The following CTNNA2 variants were observed in gnomAD, a reference collection of about 807,000 sequenced individuals.
The protein encoded by CTNNA2 is catenin alpha 2.
A neutral mutation model predicts 101.0 loss-of-function variants in CTNNA2; 42 were observed. The ratio of observed to expected loss-of-function variants is 0.42; its 90% CI spans 0.32 to 0.54. CTNNA2 has a LOEUF of 0.54. Among genes scored for constraint, CTNNA2 ranks in the 20% least tolerant of loss-of-function variants. CTNNA2 has a pLI of 0.14. For missense variants in CTNNA2, 871 were observed against 1,223.1 expected (o/e 0.71, Z 4.29); for synonymous variants, 450 against 456.4 (o/e 0.99, Z 0.18).
At chr2:80,546,766 T>C (rs1038209931) in intron 11 of CTNNA2, among the ~76,000 whole-genome samples, 4 of 152,202 alleles carry the variant, frequency 2.6e-5, no homozygotes, top group Admixed American at 2.0e-4. Flanking sequence ...AGCCAGCAAA[T>C]GGACATTTTT....
At chr2:79,534,995 G>A (rs1022483712) in intron 1 of CTNNA2, among the ~76,000 whole-genome samples, 7 of 151,482 alleles carry the variant, frequency 4.6e-5, no homozygotes, top group Non-Finnish European at 8.8e-5. Flanking sequence ...AGCATAAAAA[G>A]GAAGAAATTT....
In CTNNA2 at chr2:79,456,303, A is replaced by G. The variant is rs186578894; in HGVS notation, c.-134-48751A>G. ...GACTCCTACAATGCTAAAAATGTTG[A>G]GATTCTACATCTAGTCCTTTGATTT... On this transcript the variant is annotated intron_variant, in intron 4 of 21. Coordinates refer to the CTNNA2 transcript ENST00000466387. Among the ~76,000 whole-genome samples the G allele has an allele frequency of 2.6e-5, 4 of 152,020 alleles. No individual in the cohort carries two copies. In the East Asian group the frequency reaches 7.7e-4, roughly 29 times the overall value.
chr2:79,804,370 C>G (rs1676399255), intron 3 of CTNNA2, among the ~76,000 whole-genome samples: 2 of 152,146 alleles, frequency 1.3e-5, no homozygotes, highest in Non-Finnish European at 2.9e-5. Context: ...CAAAATCACA[C>G]AGTCACACTT....
rs547089433 is a variant in CTNNA2, at chr2:79,810,555, T to C, written c.299-47458T>C. On this transcript the variant is annotated intron_variant, in intron 3 of 18. Coordinates refer to ENST00000402739, the MANE Select transcript of CTNNA2 (RefSeq NM_001282597.3). ...TTTTTTTTTTGTTATACTTTAAGTT[T>C]TAGGGTACATGTGCACAATGTACAG... 1.1e-4 allele frequency among the ~76,000 whole-genome samples: 16 copies of C among 151,812 alleles called. No homozygotes were observed. The East Asian group carries it at 3.1e-3, about 29-fold the overall frequency.
At chr2:80,116,051 A>G (rs1307134848) in intron 7 of CTNNA2, among the ~76,000 whole-genome samples, 1 of 132,010 alleles carries the variant, frequency 7.6e-6, no homozygotes, top group Non-Finnish European at 1.6e-5. Flanking sequence ...CAAGTTTAAT[A>G]AACTTTTTTT....
At chr2:79,682,901 T>TC (rs1683680936) in intron 2 of CTNNA2, among the ~76,000 whole-genome samples, 1 of 152,222 alleles carries the variant, frequency 6.6e-6, no homozygotes, top group South Asian at 2.1e-4. Flanking sequence ...ATATTACTTT[T>TC]CCTACTTGCA....
chr2:80,542,885 C>A (rs529126447), intron 9 of CTNNA2, among the ~76,000 whole-genome samples: 81 of 152,050 alleles, frequency 5.3e-4, no homozygotes, highest in South Asian at 3.1e-3. Flanking sequence ...TTTTCCCCCC[C>A]CCACATGCCA....
intron 7 of CTNNA2, among the ~76,000 whole-genome samples, chr2:80,109,012 C>A (rs945210238): frequency 6.6e-6 from 1 of 152,302 alleles, no homozygotes; most frequent in African/African-American, 2.4e-5. Context: ...TCACATACTT[C>A]CCTTTGAAAA....
At chr2:79,280,405 A>G (rs1480294385) in intron 2 of CTNNA2, among the ~76,000 whole-genome samples, 1 of 152,080 alleles carries the variant, frequency 6.6e-6, no homozygotes, top group Non-Finnish European at 1.5e-5. Context: ...ACAGCTGGAC[A>G]TTTCTGCAAG....
At position 80,306,375 on chromosome 2, in the gene CTNNA2, C is replaced by CTTTT. The variant is rs1247931047; in HGVS notation, c.1057-86833_1057-86832insTTTT. Among the ~76,000 whole-genome samples, 225 of 139,560 alleles carry CTTTT rather than the reference C, an allele frequency of 1.6e-3. 2 individuals are homozygous for CTTTT. Among genetic ancestry groups the CTTTT allele is most frequent in the Admixed American group, 0.011 (153 of 14,128 alleles). 91.6% of individuals were successfully genotyped at this position (139,560 alleles called of 152,430 possible). The stretch of plus-strand genomic sequence containing the variant: ...GGCACAGATGGTTTTTTCTTTCTTT[C>CTTTT]TTTCTTTTCTTTTCTTTTCTTTTCT... On this transcript the variant is annotated intron_variant, in intron 7 of 18. Coordinates refer to ENST00000402739, the MANE Select transcript of CTNNA2 (RefSeq NM_001282597.3).
At chr2:80,463,725 T>G (rs1684637607) in intron 9 of CTNNA2, among the ~76,000 whole-genome samples, 1 of 152,196 alleles carries the variant, frequency 6.6e-6, no homozygotes, top group African/African-American at 2.4e-5. Context: ...TTCATATTGC[T>G]ATTTTACAGT....
At chr2:79,232,381 A>T (rs1187711287) in intron 2 of CTNNA2, among the ~76,000 whole-genome samples, 1 of 152,042 alleles carries the variant, frequency 6.6e-6, no homozygotes, top group Non-Finnish European at 1.5e-5. Flanking sequence ...CATGTGTTGA[A>T]CCAACCTTGT....
intron 16 of CTNNA2, chr2:80,605,234 T>G (rs1014555724): frequency 6.6e-6 from 1 of 152,012 alleles, no homozygotes; most frequent in East Asian, 1.9e-4. Flanking sequence ...TCTAAATGTT[T>G]TGTTGCAATT....
chr2:79,375,051 A>G (rs1008094568), intron 4 of CTNNA2, among the ~76,000 whole-genome samples: 5 of 152,148 alleles, frequency 3.3e-5, no homozygotes, highest in South Asian at 4.1e-4. Context: ...AACATCCTAT[A>G]TGCATATTCC....
intron 7 of CTNNA2, among the ~76,000 whole-genome samples, chr2:79,999,703 A>T (rs1692802963): frequency 6.6e-6 from 1 of 152,208 alleles, no homozygotes; most frequent in South Asian, 2.1e-4. Flanking sequence ...TCATTTAGTC[A>T]TTCAACAAAT....
At chr2:79,457,064 C>G (rs549242409) in intron 4 of CTNNA2, among the ~76,000 whole-genome samples, 1 of 151,768 alleles carries the variant, frequency 6.6e-6, no homozygotes, top group South Asian at 2.1e-4. Context: ...TAGCCGGGCG[C>G]GGTGGCGGGC....
chr2:79,896,618 A>G (rs1003063414), intron 6 of CTNNA2, among the ~76,000 whole-genome samples: 61 of 152,228 alleles, frequency 4.0e-4, no homozygotes, highest in African/African-American at 1.4e-3. Context: ...CTATAAGGAA[A>G]GCATCCTAAC....
At chr2:80,061,720 T>A (rs1405358853) in intron 7 of CTNNA2, among the ~76,000 whole-genome samples, 2 of 152,204 alleles carry the variant, frequency 1.3e-5, no homozygotes, top group Admixed American at 1.3e-4. Context: ...AATATTTAAA[T>A]TTGTCGCTTA....
chr2:79,203,489 A>G (rs1200243179), intron 2 of CTNNA2, among the ~76,000 whole-genome samples: 1 of 152,202 alleles, frequency 6.6e-6, no homozygotes, highest in Non-Finnish European at 1.5e-5. Flanking sequence ...GCCAATGGAA[A>G]TGCTGCTGGA....
Sources: gnomAD v4.1 joint callset for allele counts (sites outside exome capture counted in the v4.1 genomes callset) on GRCh38, gnomAD v4.1.1 for gene constraint, MANE v1.5 for transcripts, NCBI Gene and HGNC (gene_info 2026-07-23, HGNC 2026-07-21) for gene names.